TRAPPC10: variants seen among roughly 807,000 people sequenced by gnomAD.
TRAPPC10 encodes the protein trafficking protein particle complex subunit 10, also known as TRAPP 130 kDa subunit.
In TRAPPC10, 23 loss-of-function variants were observed where a neutral mutation model predicts 125.5. That is an observed-to-expected ratio of 0.18 (90% CI 0.13 to 0.26). TRAPPC10 has a LOEUF of 0.26. TRAPPC10 is among the 10% of genes least tolerant of loss of function. The probability of loss-of-function intolerance (pLI) is 1.00; values close to 1 mark genes in which losing one functional copy is unlikely to be tolerated. For synonymous variants in TRAPPC10, 509 were observed against 518.0 expected (o/e 0.98, Z 0.24); for missense variants, 1,123 against 1,308.4 (o/e 0.86, Z 2.19).
At chr21:44,091,587 G>A (rs574084572) in intron 18 of TRAPPC10, among the ~76,000 whole-genome samples, 8 of 152,112 alleles carry the variant, frequency 5.3e-5, no homozygotes, top group African/African-American at 9.6e-5. Flanking sequence ...TTACAGACAC[G>A]TGCCACCACG....
chr21:44,051,287 G>A (rs573466916), intron 3 of TRAPPC10, among the ~76,000 whole-genome samples: 29 of 152,144 alleles, frequency 1.9e-4, no homozygotes, highest in Non-Finnish European at 3.7e-4. Flanking sequence ...TTGAAAGTCC[G>A]GAGGAATTAG....
rs114990730 is a variant in TRAPPC10, at chr21:44,075,002, C to T, written c.1186-37C>T. The T allele has an allele frequency of 1.3e-3, 1,875 of 1,426,906 alleles. 26 individuals carry two copies. In the African/African-American group the frequency reaches 0.02, roughly 15 times the overall value. The allele number at this position is 1,426,906 out of a possible 1,614,324, so 88.4% of individuals were successfully genotyped here. A position where few individuals can be genotyped will look rare whatever the true frequency, so the allele number is the denominator to read the frequency against. ...TTCTTGAATTCCCTGCTGACTCTTA[C>T]GGCAAATTAATTGAAATTGTGGATT... On this transcript the variant is annotated intron_variant, in intron 8 of 22. Transcript: ENST00000291574.
At chr21:44,049,939 G>A (rs547497390) in intron 3 of TRAPPC10, among the ~76,000 whole-genome samples, 1 of 151,592 alleles carries the variant, frequency 6.6e-6, no homozygotes, top group Admixed American at 6.6e-5. Context: ...GAATGCAGTG[G>A]CATGATCTCG....
In TRAPPC10 at chr21:44,094,126, C is replaced by A. The variant is rs747222442; in HGVS notation, c.3061C>A (p.Pro1021Thr). 1.2e-6 allele frequency: 2 copies of A among 1,614,200 alleles called. No homozygotes were observed. Among genetic ancestry groups the A allele is most frequent in the East Asian group, 2.2e-5 (1 of 44,886 alleles). ...ACTCAAGTGGACAGAAGAGCCTCCC[C>A]CTTCTCTGCATTGCCGGTTCTCTGT... ...WELKWTEEPP[P>T]SLHCRFSVGF... The change falls in exon 20 of 23, where the codon CCT (proline) becomes ACT (threonine). Residue 1021 changes from proline (P) to threonine (T), a missense_variant. This residue lies in a region of TRAPPC10 where 840 missense variants were observed against 902.0 expected (regional missense o/e 0.93). Coordinates refer to ENST00000291574, the MANE Select transcript of TRAPPC10 (RefSeq NM_003274.5).
At chr21:44,026,362 A>G (rs2033071198) in intron 1 of TRAPPC10, among the ~76,000 whole-genome samples, 2 of 152,304 alleles carry the variant, frequency 1.3e-5, no homozygotes, top group South Asian at 4.1e-4. Context: ...CTGCCTCGAC[A>G]TTATACACGA....
intron 3 of TRAPPC10, among the ~76,000 whole-genome samples, chr21:44,050,990 C>G (rs949781422): frequency 6.6e-6 from 1 of 152,134 alleles, no homozygotes; most frequent in Non-Finnish European, 1.5e-5. Flanking sequence ...CTACAACCTC[C>G]GCCTCCCAGT....
chr21:44,020,076 G>A (rs534456477), intron 1 of TRAPPC10, among the ~76,000 whole-genome samples: 22 of 150,642 alleles, frequency 1.5e-4, no homozygotes, highest in African/African-American at 5.4e-4. Flanking sequence ...TTTTTTAACA[G>A]TGACCAGGGA....
At position 44,092,012 on chromosome 21, in the gene TRAPPC10, A is replaced by C. The variant is rs2038615563; in HGVS notation, c.2960A>C (p.Asp987Ala). 1 of 1,614,056 alleles carries C rather than the reference A, an allele frequency of 6.2e-7. No individual in the cohort carries two copies. Among genetic ancestry groups the C allele is most frequent in the South Asian group, 1.1e-5 (1 of 91,084 alleles). ...SYLVDTGDST[D>A]LQLVPLNTQS... The stretch of plus-strand genomic sequence containing the variant: ...CTTGTAGATACCGGTGATAGTACCG[A>C]CCTGCAACTAGTACCACTGAACACG... The change falls in exon 19 of 23, where the codon GAC becomes GCC. Residue 987 changes from aspartate to alanine, a missense_variant. This residue lies in a region of TRAPPC10 where 840 missense variants were observed against 902.0 expected (regional missense o/e 0.93). Transcript: ENST00000291574.
At chr21:44,014,587 G>GTTTTT (rs1219684030) in intron 1 of TRAPPC10, among the ~76,000 whole-genome samples, 1 of 114,776 alleles carries the variant, frequency 8.7e-6, no homozygotes, top group African/African-American at 6.1e-5. Context: ...TTGTTTGTTT[G>GTTTTT]TTTTTGTTTT....
intron 5 of TRAPPC10, among the ~76,000 whole-genome samples, chr21:44,057,580 C>T (rs373743568): frequency 7.9e-5 from 12 of 152,218 alleles, no homozygotes; most frequent in Middle Eastern, 3.4e-3. Flanking sequence ...CCACTGCACC[C>T]GGCCTGAGCT....
At chr21:44,047,124 C>G (rs536163769) in intron 3 of TRAPPC10, 1 of 546,144 alleles carries the variant, frequency 1.8e-6, no homozygotes, top group Non-Finnish European at 3.5e-6. Flanking sequence ...CCTACTCCTT[C>G]GGCGCACTGT....
At chr21:44,080,712 T>G (rs1004374964) in intron 13 of TRAPPC10, among the ~76,000 whole-genome samples, 1 of 152,016 alleles carries the variant, frequency 6.6e-6, no homozygotes, top group Non-Finnish European at 1.5e-5. Flanking sequence ...TAATTTTTTG[T>G]ATTTTTAGTA....
intron 8 of TRAPPC10, 110 bp downstream of exon 8, chr21:44,074,580 G>T: frequency 5.6e-6 from 8 of 1,435,342 alleles, no homozygotes; most frequent in Non-Finnish European, 7.6e-6. Context: ...AGATCACGAT[G>T]CATCCACTTT....
chr21:44,067,663 G>GGTGCCACGGGTCATCAA (rs2036549884), intron 7 of TRAPPC10, among the ~76,000 whole-genome samples: 1 of 152,180 alleles, frequency 6.6e-6, no homozygotes, highest in Non-Finnish European at 1.5e-5. Context: ...CGGGTCATCA[G>GGTGCCACGGGTCATCAA]CACAGTGTCC....
chr21:44,062,840 CCT>C, intron 6 of TRAPPC10: 2 of 985,410 alleles, frequency 2.0e-6, no homozygotes, highest in African/African-American at 3.5e-5. Flanking sequence ...GGTTATGACA[CCT>C]CTCTGTTGAA....
chr21:44,074,634 T>C (rs1476081035), intron 8 of TRAPPC10, among the ~76,000 whole-genome samples, 164 bp downstream of exon 8: 1 of 152,228 alleles, frequency 6.6e-6, no homozygotes, highest in Non-Finnish European at 1.5e-5. Context: ...GAAGTCATAG[T>C]TCCCTACCAC....
At chr21:44,017,350 C>T (rs371475504) in intron 1 of TRAPPC10, among the ~76,000 whole-genome samples, 19 of 152,200 alleles carry the variant, frequency 1.2e-4, no homozygotes, top group African/African-American at 4.6e-4. Context: ...GGGTACAGTA[C>T]CAACCCCATC....
At chr21:44,046,867 C>T in intron 3 of TRAPPC10, 4 of 761,670 alleles carry the variant, frequency 5.3e-6, no homozygotes, top group Non-Finnish European at 7.0e-6. Flanking sequence ...CGAGGTACTC[C>T]AGGATGGCTG....
intron 9 of TRAPPC10, 45 bp from the exon 10 acceptor site, chr21:44,076,507 G>A (rs1208045915): frequency 6.9e-7 from 1 of 1,450,632 alleles, no homozygotes; most frequent in Non-Finnish European, 9.7e-7. Context: ...CATGTGACTG[G>A]ACATGATGAA....
Sources: gnomAD v4.1 joint callset for allele counts (sites outside exome capture counted in the v4.1 genomes callset) on GRCh38, gnomAD v4.1.1 for gene constraint, gnomAD v4.1.1 regional missense constraint, MANE v1.5 for transcripts, NCBI Gene and HGNC (gene_info 2026-07-23, HGNC 2026-07-21) for gene names.